The following POU2AF3 variants were observed in gnomAD, a reference collection of about 807,000 sequenced individuals.
POU2AF3 encodes cancer susceptibility candidate 13.
the POU2AF3 span, among the ~76,000 whole-genome samples, chr11:111,307,673 A>T: frequency 1.3e-4 from 20 of 152,332 alleles, no homozygotes; most frequent in Non-Finnish European, 8.8e-5. Context: ...TGATCACCTG[A>T]TTCTTCATGG....
At chr11:111,298,900 T>G in the POU2AF3 span, 1 of 1,106,692 alleles carries the variant, frequency 9.0e-7, no homozygotes, top group Non-Finnish European at 1.1e-6. Flanking sequence ...GCCCAGAAGC[T>G]GCTACGGGGG....
chr11:111,298,826 G>GGGGGGGGGGCCCCCC, the POU2AF3 span: 1 of 790,958 alleles, frequency 1.3e-6, no homozygotes, highest in Non-Finnish European at 1.7e-6. Flanking sequence ...CGTACCCCAG[G>GGGGGGGGGGCCCCCC]CCCCCGCCCG....
chr11:111,298,828 C>CGGGGGGGCG, the POU2AF3 span: 1 of 411,066 alleles, frequency 2.4e-6, no homozygotes, highest in Non-Finnish European at 4.1e-6. Context: ...TACCCCAGGC[C>CGGGGGGGCG]CCCGCCCGCC....
the POU2AF3 span, chr11:111,298,836 GCC>G: frequency 2.4e-6 from 1 of 408,802 alleles, no homozygotes; most frequent in Non-Finnish European, 3.5e-6. Flanking sequence ...GCCCCCGCCC[GCC>G]CTCCCACGTA....
chr11:111,306,375 T>C, the POU2AF3 span: 3 of 1,387,880 alleles, frequency 2.2e-6, no homozygotes, highest in East Asian at 8.0e-5. Flanking sequence ...AAAACCTGCC[T>C]TTTTCCTTTC....
the POU2AF3 span, among the ~76,000 whole-genome samples, chr11:111,304,655 C>T: frequency 5.9e-5 from 9 of 152,202 alleles, no homozygotes; most frequent in African/African-American, 1.4e-4. Flanking sequence ...AAATTCTACA[C>T]GGACTTAATA....
chr11:111,304,718 G>T, the POU2AF3 span: 1 of 379,392 alleles, frequency 2.6e-6, no homozygotes, highest in Non-Finnish European at 4.7e-6. Flanking sequence ...AATATTTGTT[G>T]ACACTTTCCC....
chr11:111,300,605 C>T, the POU2AF3 span: 1 of 1,231,304 alleles, frequency 8.1e-7, no homozygotes, highest in Admixed American at 4.2e-5. Context: ...GCACACCAGG[C>T]GGCCTCCGGG....
the POU2AF3 span, among the ~76,000 whole-genome samples, chr11:111,301,374 C>T: frequency 6.6e-6 from 1 of 152,220 alleles, no homozygotes; most frequent in Non-Finnish European, 1.5e-5. Context: ...AAGCCTCAAT[C>T]ATACAATTGC....
the POU2AF3 span, among the ~76,000 whole-genome samples, chr11:111,305,573 G>A: frequency 6.6e-6 from 1 of 152,174 alleles, no homozygotes; most frequent in East Asian, 1.9e-4. Context: ...TGTCACCGTA[G>A]CTTCACCTTA....
At chr11:111,298,715 G>C in the POU2AF3 span, 1 of 1,108,148 alleles carries the variant, frequency 9.0e-7, no homozygotes. Flanking sequence ...GTAAGGGCCG[G>C]GGATCCGGAG....
chr11:111,304,770 C>T, the POU2AF3 span: 14 of 402,012 alleles, frequency 3.5e-5, 1 homozygote, highest in Non-Finnish European at 5.6e-5. Context: ...AAAAATTTGT[C>T]AAACATTGAA....
At chr11:111,306,124 AC>A in the POU2AF3 span, among the ~76,000 whole-genome samples, 1 of 152,178 alleles carries the variant, frequency 6.6e-6, no homozygotes, top group African/African-American at 2.4e-5. Flanking sequence ...TTTGACTGTG[AC>A]ACTTGGACAC....
the POU2AF3 span, chr11:111,308,184 A>T: frequency 1.9e-6 from 3 of 1,551,732 alleles, no homozygotes; most frequent in Non-Finnish European, 2.6e-6. Context: ...GCTTCTCTGG[A>T]CACCAGAACC....
the POU2AF3 span, among the ~76,000 whole-genome samples, chr11:111,301,273 C>T: frequency 3.3e-5 from 5 of 152,336 alleles, no homozygotes; most frequent in Non-Finnish European, 5.9e-5. Flanking sequence ...CACCTTCCTA[C>T]GGTAAGTACT....
At chr11:111,298,659 G>A in the POU2AF3 span, 2 of 1,221,416 alleles carry the variant, frequency 1.6e-6, no homozygotes, top group Non-Finnish European at 2.1e-6. Context: ...GTGTTTCCAC[G>A]GCTTTTCCTG....
chr11:111,302,674 T>C, the POU2AF3 span, among the ~76,000 whole-genome samples: 2 of 152,210 alleles, frequency 1.3e-5, no homozygotes, highest in Non-Finnish European at 2.9e-5. Flanking sequence ...TGAACCAGTG[T>C]CTTATAGGAA....
chr11:111,303,892 T>A, the POU2AF3 span, among the ~76,000 whole-genome samples: 73 of 141,728 alleles, frequency 5.2e-4, no homozygotes, highest in African/African-American at 5.0e-4. Context: ...ACCTGAAATT[T>A]AAAAAAAAAA....
At chr11:111,298,827 C>CGGGGCGG in the POU2AF3 span, 2 of 631,564 alleles carry the variant, frequency 3.2e-6, no homozygotes, top group Non-Finnish European at 4.5e-6. Flanking sequence ...GTACCCCAGG[C>CGGGGCGG]CCCCGCCCGC....
Sources: allele counts gnomAD v4.1 joint callset (sites outside exome capture counted in the v4.1 genomes callset), GRCh38; gene constraint gnomAD v4.1.1; transcripts MANE v1.5; gene names NCBI Gene and HGNC (gene_info 2026-07-23, HGNC 2026-07-21).